Variants in FHIP1A observed in about 807,000 individuals in gnomAD.
FHIP1A encodes the protein FHF complex subunit HOOK-interacting protein 1A.
Under a neutral mutation model 88.6 loss-of-function variants are expected in FHIP1A, and 61 were observed. The observed-to-expected ratio is 0.69, with a 90% CI of 0.56 to 0.85. The LOEUF is 0.85. Ranked by LOEUF, FHIP1A falls within the 40% of genes least tolerant of loss-of-function variation. The pLI, the probability that FHIP1A is intolerant of heterozygous loss-of-function variation, is 0.00. For missense variants in FHIP1A, 1,154 were observed against 1,273.5 expected (o/e 0.91, Z 1.43); for synonymous variants, 478 against 496.0 (o/e 0.96, Z 0.48).
intron 3 of FHIP1A, among the ~76,000 whole-genome samples, chr4:151,522,779 T>C (rs1167385847): frequency 6.6e-6 from 1 of 152,240 alleles, no homozygotes; most frequent in Non-Finnish European, 1.5e-5. Flanking sequence ...TTTCATTCTT[T>C]CTTCCTTTTT....
chr4:151,582,744 T>C (rs1734071635), intron 5 of FHIP1A, among the ~76,000 whole-genome samples: 1 of 152,224 alleles, frequency 6.6e-6, no homozygotes, highest in African/African-American at 2.4e-5. Flanking sequence ...ATAAATAGAA[T>C]GTTTTGCAAT....
intron 7 of FHIP1A, among the ~76,000 whole-genome samples, chr4:151,629,335 C>T (rs552703565): frequency 3.2e-4 from 48 of 152,256 alleles, no homozygotes; most frequent in South Asian, 6.2e-4. Context: ...CAAGTTATTC[C>T]GGGCTTTCTA....
At chr4:151,546,883 C>T (rs927413407) in intron 3 of FHIP1A, among the ~76,000 whole-genome samples, 2 of 152,146 alleles carry the variant, frequency 1.3e-5, no homozygotes, top group Non-Finnish European at 2.9e-5. Context: ...TTCAGGTGGG[C>T]TGGCCTCAAG....
At chr4:151,434,889 TC>T (rs1484910035) in intron 1 of FHIP1A, among the ~76,000 whole-genome samples, 3 of 152,150 alleles carry the variant, frequency 2.0e-5, no homozygotes, top group African/African-American at 7.2e-5. Flanking sequence ...TAAGAAAATA[TC>T]TTTTCTTTTT....
intron 3 of FHIP1A, among the ~76,000 whole-genome samples, chr4:151,542,843 T>G (rs758131775): frequency 1.3e-5 from 2 of 152,230 alleles, no homozygotes; most frequent in Non-Finnish European, 2.9e-5. Flanking sequence ...TTCAGCCACT[T>G]ACCTCAGGAA....
intron 2 of FHIP1A, among the ~76,000 whole-genome samples, chr4:151,462,114 T>A (rs1254050068): frequency 6.6e-6 from 1 of 152,156 alleles, no homozygotes; most frequent in Non-Finnish European, 1.5e-5. Flanking sequence ...TGAGCTGTGA[T>A]CATACCACTG....
intron 7 of FHIP1A, among the ~76,000 whole-genome samples, chr4:151,618,665 A>G (rs1166775553): frequency 6.6e-6 from 1 of 152,188 alleles, no homozygotes; most frequent in Non-Finnish European, 1.5e-5. Context: ...CTTCATTGAC[A>G]CATGTCAACT....
At chr4:151,559,415 C>T (rs1044571208) in intron 3 of FHIP1A, among the ~76,000 whole-genome samples, 1 of 152,136 alleles carries the variant, frequency 6.6e-6, no homozygotes, top group African/African-American at 2.4e-5. Flanking sequence ...CAGCTGTCCC[C>T]CAGCCCCCAC....
intron 3 of FHIP1A, among the ~76,000 whole-genome samples, chr4:151,554,734 A>T (rs1463833696): frequency 6.6e-6 from 1 of 152,182 alleles, no homozygotes. Flanking sequence ...CTTTTAGCCC[A>T]CGCAGGTGGA....
intron 7 of FHIP1A, among the ~76,000 whole-genome samples, chr4:151,618,480 A>G (rs968872362): frequency 2.0e-5 from 3 of 152,266 alleles, no homozygotes; most frequent in Admixed American, 1.3e-4. Flanking sequence ...GTTCTTTAAT[A>G]TTTGATTATG....
chr4:151,524,199 G>C (rs959150380), intron 3 of FHIP1A, among the ~76,000 whole-genome samples: 15 of 152,046 alleles, frequency 9.9e-5, no homozygotes, highest in African/African-American at 3.6e-4. Context: ...CTACTTGGGA[G>C]GCTGAGGCAG....
At chr4:151,464,395 C>T (rs1467957197) in intron 2 of FHIP1A, among the ~76,000 whole-genome samples, 1 of 152,184 alleles carries the variant, frequency 6.6e-6, no homozygotes, top group Non-Finnish European at 1.5e-5. Flanking sequence ...TAGAGAGGAA[C>T]ACAGATGAAA....
chr4:151,524,049 C>T (rs977948442), intron 3 of FHIP1A, among the ~76,000 whole-genome samples: 4 of 152,176 alleles, frequency 2.6e-5, no homozygotes, highest in Admixed American at 6.5e-5. Flanking sequence ...TGGTGGCTCA[C>T]ACCTGTAATC....
At chr4:151,516,765 C>T (rs536162723) in intron 3 of FHIP1A, among the ~76,000 whole-genome samples, 1,775 of 152,044 alleles carry the variant, frequency 0.012, 27 homozygotes, top group African/African-American at 0.041. Context: ...CCATCTCACA[C>T]CAGTTAGAAT....
chr4:151,476,626 A>G (rs534829981), intron 2 of FHIP1A, among the ~76,000 whole-genome samples: 1 of 152,332 alleles, frequency 6.6e-6, no homozygotes, highest in South Asian at 2.1e-4. Flanking sequence ...TGTTAATGGT[A>G]TTTGGAATCA....
chr4:151,453,970 A>ATT (rs1477599826), intron 1 of FHIP1A, among the ~76,000 whole-genome samples: 3 of 152,234 alleles, frequency 2.0e-5, no homozygotes, highest in East Asian at 1.9e-4. Flanking sequence ...ATAATAATAT[A>ATT]TTTAGCCACT....
At chr4:151,494,340 AT>A in intron 3 of FHIP1A, among the ~76,000 whole-genome samples, 1 of 152,174 alleles carries the variant, frequency 6.6e-6, no homozygotes, top group Admixed American at 6.5e-5. Context: ...CCTTGAGTTG[AT>A]TTTTGTATAT....
intron 3 of FHIP1A, among the ~76,000 whole-genome samples, chr4:151,555,302 T>G (rs1362151980): frequency 2.0e-5 from 3 of 152,156 alleles, no homozygotes; most frequent in East Asian, 3.8e-4. Flanking sequence ...TTTTCTTGGG[T>G]AAGAACATTT....
chr4:151,663,195 C>G lies in FHIP1A; in HGVS notation c.*441C>G, dbSNP rs988694609. 1.3e-5 allele frequency: 2 copies of G among 153,748 alleles called. No individual in the cohort carries two copies. Among genetic ancestry groups the G allele is most frequent in the African/African-American group, 4.8e-5 (2 of 41,464 alleles). The allele number at this position is 153,748 out of a possible 1,614,324, so 9.5% of individuals were successfully genotyped here. A position where few individuals can be genotyped will look rare whatever the true frequency, so the allele number is the denominator to read the frequency against. ...GCAACTGTGCGAATGGTCCTGTTGC[C>G]TCCTGCATTTTGGCCTCTGTTCTAT... On this transcript the variant is annotated 3_prime_UTR_variant, in exon 14 of 14. Coordinates refer to ENST00000435205, the MANE Select transcript of FHIP1A (RefSeq NM_001109977.3).
Sources: allele counts gnomAD v4.1 joint callset (sites outside exome capture counted in the v4.1 genomes callset), GRCh38; gene constraint gnomAD v4.1.1; transcripts MANE v1.5; gene names NCBI Gene and HGNC (gene_info 2026-07-23, HGNC 2026-07-21).